FMR1NB: variants seen among roughly 807,000 people sequenced by gnomAD.
FMR1NB encodes FMR1 neighbor protein.
In FMR1NB, 10 loss-of-function variants were observed where a neutral mutation model predicts 16.8. The ratio of observed to expected loss-of-function variants is 0.60; its 90% CI spans 0.37 to 1.01. The LOEUF (loss-of-function observed/expected upper bound fraction) is 1.01. Among genes scored for constraint, FMR1NB ranks in the 50% least tolerant of loss-of-function variants. FMR1NB has a pLI of 0.01. For missense variants in FMR1NB, 205 were observed against 204.8 expected (o/e 1.00, Z 0.00); for synonymous variants, 83 against 79.1 (o/e 1.05, Z -0.26).
chrX:147,999,220 C>G (rs894688883), intron 1 of FMR1NB, among the ~76,000 whole-genome samples: 4 of 111,853 alleles, frequency 3.6e-5, no homozygotes, highest in African/African-American at 1.3e-4. Flanking sequence ...GAGCACATAA[C>G]TTGCTGAATA....
At chrX:147,991,647 C>CTTTTTTTTTTTTTTTTTTTTTTTTTTT (rs782065632) in intron 1 of FMR1NB, among the ~76,000 whole-genome samples, 13 of 87,369 alleles carry the variant, frequency 1.5e-4, no homozygotes, top group African/African-American at 1.9e-4. Flanking sequence ...GGCCTTCCTT[C>CTTTTTTTTTTTTTTTTTTTTTTTTTTT]TTTTTTTTTT....
At chrX:147,982,204 C>A (rs2044451485) in intron 1 of FMR1NB, among the ~76,000 whole-genome samples, 1 of 109,145 alleles carries the variant, frequency 9.2e-6, no homozygotes, top group African/African-American at 3.4e-5. Flanking sequence ...GCAGGAGAAT[C>A]GCTTGAATTC....
intron 1 of FMR1NB, among the ~76,000 whole-genome samples, chrX:147,991,668 TTA>T (rs2044505869): frequency 9.6e-6 from 1 of 104,474 alleles, no homozygotes; most frequent in African/African-American, 3.6e-5. Flanking sequence ...TTTTTTTAAT[TTA>T]TTTTTTTATT....
intron 1 of FMR1NB, among the ~76,000 whole-genome samples, chrX:147,995,188 G>A (rs2044535920): frequency 8.9e-6 from 1 of 112,047 alleles, no homozygotes; most frequent in African/African-American, 3.2e-5. Flanking sequence ...GCCTCCAGAG[G>A]TGTGAGACAA....
chrX:147,984,542 C>G (rs1020918172), intron 1 of FMR1NB, among the ~76,000 whole-genome samples: 5 of 111,991 alleles, frequency 4.5e-5, no homozygotes, highest in Non-Finnish European at 7.5e-5. Context: ...AAGCACAGCT[C>G]ATTTTTACCT....
intron 1 of FMR1NB, among the ~76,000 whole-genome samples, chrX:147,999,694 T>C (rs782692943): frequency 9.0e-6 from 1 of 111,687 alleles, no homozygotes; most frequent in East Asian, 2.8e-4. Flanking sequence ...TCCACTGCAT[T>C]GTAGTAAGCT....
At position 148,008,665 on chromosome X, in the gene FMR1NB, A is replaced by T; in HGVS notation, c.586A>T (p.Ile196Phe). 3 of 1,212,050 alleles carry T rather than the reference A, an allele frequency of 2.5e-6. No individual in the cohort carries two copies. Among genetic ancestry groups the T allele is most frequent in the Middle Eastern group, 2.3e-4 (1 of 4,355 alleles). ...QMFGLGAISL[I>F]LVCLPIYCRS... ...GTTTGGGCTTGGTGCGATCAGCCTT[A>T]TCCTGGTATGTCTGCCCATTTATTG... is the stretch of plus-strand genomic sequence containing the variant. Residue 196 changes from isoleucine to phenylalanine, a missense_variant, in exon 4 of 6, where the codon ATC becomes TTC. By Grantham distance (21) the Ile-to-Phe change is conservative. Transcript: ENST00000370467.
chrX:148,024,757 GTGGGAAAGTATAGTTATC>G, intron 4 of FMR1NB, 90 bp from the exon 5 acceptor site: 1 of 929,060 alleles, frequency 1.1e-6, no homozygotes, highest in Non-Finnish European at 1.5e-6. Context: ...AAAATATCAG[GTGGGAAAGTATAGTTATC>G]TGGGCAAATA....
intron 4 of FMR1NB, among the ~76,000 whole-genome samples, chrX:148,019,538 CCTGT>C (rs782690851): frequency 7.2e-5 from 8 of 111,477 alleles, no homozygotes; most frequent in Non-Finnish European, 1.5e-4. Flanking sequence ...CTTGTTTGTA[CCTGT>C]CTTTCTTCGG....
chrX:147,997,537 C>T (rs1557188278), intron 1 of FMR1NB, among the ~76,000 whole-genome samples: 1 of 112,156 alleles, frequency 8.9e-6, no homozygotes, highest in Non-Finnish European at 1.9e-5. Flanking sequence ...CCATTCAGGA[C>T]AATGGCATGG....
At chrX:148,007,946 T>C (rs1264561285) in intron 3 of FMR1NB, among the ~76,000 whole-genome samples, 1 of 112,364 alleles carries the variant, frequency 8.9e-6, no homozygotes, top group Non-Finnish European at 1.9e-5. Context: ...TGAAGCAACA[T>C]TTGGTTCTTG....
intron 4 of FMR1NB, among the ~76,000 whole-genome samples, chrX:148,020,213 A>G (rs1225939142): frequency 9.0e-6 from 1 of 111,542 alleles, no homozygotes; most frequent in Non-Finnish European, 1.9e-5. Flanking sequence ...GAGTACTGCC[A>G]ATGTTCTCTT....
intron 4 of FMR1NB, among the ~76,000 whole-genome samples, chrX:148,023,803 T>A (rs2044690838): frequency 9.0e-6 from 1 of 111,282 alleles, no homozygotes; most frequent in African/African-American, 3.3e-5. Flanking sequence ...AGTGATAAGG[T>A]AAGGTTCCAG....
chrX:147,990,039 GAAA>G (rs200206178), intron 1 of FMR1NB, among the ~76,000 whole-genome samples: 24 of 87,647 alleles, frequency 2.7e-4, no homozygotes, highest in South Asian at 2.4e-3. Context: ...ACTGGGCTAA[GAAA>G]AAAAAAAAAA....
chrX:148,003,179 A>G (rs943839397), intron 1 of FMR1NB, 22 bp from the exon 2 acceptor site: 13 of 1,198,347 alleles, frequency 1.1e-5, no homozygotes, highest in Non-Finnish European at 1.2e-5. Flanking sequence ...TGTTGGGATT[A>G]ATAATTTTAC....
chrX:147,990,039 GA>G (rs200206178), intron 1 of FMR1NB, among the ~76,000 whole-genome samples: 33,041 of 87,452 alleles, frequency 0.38, 4,851 homozygotes, highest in East Asian at 0.67. Context: ...ACTGGGCTAA[GA>G]AAAAAAAAAA....
intron 1 of FMR1NB, among the ~76,000 whole-genome samples, chrX:147,985,842 G>A (rs2044473465): frequency 8.9e-6 from 1 of 111,957 alleles, no homozygotes; most frequent in African/African-American, 3.2e-5. Context: ...CCAGTAATGG[G>A]ATTGCTGGGT....
At chrX:147,985,930 C>T (rs782096740) in intron 1 of FMR1NB, among the ~76,000 whole-genome samples, 1 of 112,134 alleles carries the variant, frequency 8.9e-6, no homozygotes, top group Non-Finnish European at 1.9e-5. Flanking sequence ...TTAACACTCC[C>T]ACCAACAGTG....
chrX:148,013,304 A>T (rs2044634132), intron 4 of FMR1NB, among the ~76,000 whole-genome samples: 1 of 111,664 alleles, frequency 9.0e-6, no homozygotes, highest in South Asian at 3.8e-4. Flanking sequence ...TGCAAAATGA[A>T]GTGTCCTTTT....
Sources: gnomAD v4.1 joint callset for allele counts (sites outside exome capture counted in the v4.1 genomes callset) on GRCh38, gnomAD v4.1.1 for gene constraint, MANE v1.5 for transcripts, NCBI Gene and HGNC (gene_info 2026-07-23, HGNC 2026-07-21) for gene names.